Variants in AP3M2 observed in about 807,000 individuals in gnomAD.
AP3M2 encodes adaptor related protein complex 3 subunit mu 2.
Under a neutral mutation model 41.6 loss-of-function variants are expected in AP3M2, and 28 were observed. That is an observed-to-expected ratio of 0.67 (90% CI 0.50 to 0.92). The LOEUF is 0.92. AP3M2 is among the 40% of genes least tolerant of loss of function. AP3M2 has a pLI of 0.00. For missense variants in AP3M2, 427 were observed against 521.4 expected, an observed-to-expected ratio of 0.82 and a Z score of 1.76; for synonymous variants, 193 against 186.4, an observed-to-expected ratio of 1.04 and a Z score of -0.29.
chr8:42,162,387 T>C lies in AP3M2; in HGVS notation c.552T>C (p.Ile184=). 2 of 1,610,542 alleles carry C rather than the reference T, an allele frequency of 1.2e-6. No individual in the cohort carries two copies. The highest frequency in any genetic ancestry group is 1.7e-6 in the Non-Finnish European group (2 of 1,178,324). ...YTNNEAYFDV[I]EEIDAIIDKS... ...ACAATGAGGCCTATTTTGATGTGAT[T>C]GAAGAGATTGATGCAATTATTGATA... The change falls in exon 4 of 9, where the codon ATT becomes ATC. Residue 184 remains isoleucine (I), a synonymous_variant. Transcript: ENST00000396926.
intron 3 of AP3M2, 142 bp from the exon 4 acceptor site, chr8:42,162,137 GAA>G: frequency 1.4e-6 from 1 of 711,324 alleles, no homozygotes; most frequent in South Asian, 2.7e-5. Flanking sequence ...ACCCCATATA[GAA>G]GTTGGGAAAA....
rs1564119378 is a variant in AP3M2 at position 42,167,380 on chromosome 8, G to A, written c.1011+9G>A. The A allele has an allele frequency of 3.7e-6, 6 of 1,612,668 alleles. No individual in the cohort carries two copies. Among genetic ancestry groups the A allele is most frequent in the Non-Finnish European group, 5.1e-6 (6 of 1,178,838 alleles). ...TCGACCCAGTCACAAAGGTAGGGATGAGCAGGACATCTTGAATTGCTGATG... is the reference window on the plus strand; with the variant it reads ...TCGACCCAGTCACAAAGGTAGGGATAAGCAGGACATCTTGAATTGCTGATG... On this transcript the variant is annotated intron_variant, in intron 7 of 8. Transcript: ENST00000396926.
chr8:42,154,033 T>C (rs1031067075), intron 1 of AP3M2: 12 of 152,226 alleles, frequency 7.9e-5, no homozygotes, highest in African/African-American at 2.9e-4. Flanking sequence ...TCCAAAATGT[T>C]ATTACAACAT....
rs56858276 is a variant in AP3M2, at chr8:42,166,591, C to CA, written c.804-554dup. Among the ~76,000 whole-genome samples, 261 of 77,054 alleles carry CA rather than the reference C, an allele frequency of 3.4e-3. 4 individuals carry two copies. The highest frequency in any genetic ancestry group is 9.2e-3 in the East Asian group (23 of 2,496). The allele number at this position is 77,054 out of a possible 152,430, so 50.6% of individuals were successfully genotyped here. ...GCAACATGGCCAAACCTTGTCTCTA[C>CA]AAAAAAAAAAAAAAAAAAAGTAAAA... On this transcript the variant is annotated intron_variant, in intron 6 of 8. Transcript: ENST00000396926.
rs561190262 is a variant in AP3M2, at chr8:42,158,155, G to A, written c.445+43G>A. On this transcript the variant is annotated intron_variant, in intron 3 of 8. Coordinates refer to ENST00000396926, the MANE Select transcript of AP3M2 (RefSeq NM_006803.4). ...ACTGATAGATAGTGGCCATCCTACAGCCTGAGTGGCTTAGTCGAGTGTCGC... is the reference window on the plus strand; with the variant it reads ...ACTGATAGATAGTGGCCATCCTACAACCTGAGTGGCTTAGTCGAGTGTCGC... 1.7e-5 allele frequency: 27 copies of A among 1,586,226 alleles called. No individual in the cohort carries two copies. In the South Asian group the frequency reaches 2.7e-4, roughly 16 times the overall value.
At chr8:42,168,603 T>G (rs1009323029) in intron 8 of AP3M2, among the ~76,000 whole-genome samples, 3 of 152,248 alleles carry the variant, frequency 2.0e-5, no homozygotes, top group African/African-American at 7.2e-5. Flanking sequence ...TGTTAATTCC[T>G]TTATTTATAA....
At chr8:42,165,021 C>T (rs1804602061) in intron 4 of AP3M2, 50 bp from the exon 5 acceptor site, 1 of 1,526,758 alleles carries the variant, frequency 6.5e-7, no homozygotes, top group African/African-American at 1.4e-5. Context: ...TTGAGAAGGA[C>T]AGAGAAGTAT....
At chr8:42,153,958 G>T (rs1225185573) in intron 1 of AP3M2, 1 of 152,000 alleles carries the variant, frequency 6.6e-6, no homozygotes, top group Non-Finnish European at 1.5e-5. Context: ...ACATGTTCTG[G>T]TAACCACTTT....
At chr8:42,165,707 G>A in intron 6 of AP3M2, 147 bp downstream of exon 6, 1 of 853,558 alleles carries the variant, frequency 1.2e-6, no homozygotes, top group Non-Finnish European at 1.8e-6. Context: ...CCTCAGGTGA[G>A]TTGCTTAACC....
chr8:42,159,914 G>A (rs950194018), intron 3 of AP3M2, among the ~76,000 whole-genome samples: 47 of 152,284 alleles, frequency 3.1e-4, no homozygotes, highest in African/African-American at 9.6e-4. Flanking sequence ...ATCACGACAC[G>A]TTAAGTTTGT....
intron 7 of AP3M2, 93 bp downstream of exon 7, chr8:42,167,464 G>A (rs1286063362): frequency 1.3e-6 from 2 of 1,484,770 alleles, no homozygotes; most frequent in African/African-American, 1.4e-5. Flanking sequence ...TTTGGAAGGT[G>A]AGATGAGTCA....
At chr8:42,153,979 A>G (rs1293382581) in intron 1 of AP3M2, 1 of 152,186 alleles carries the variant, frequency 6.6e-6, no homozygotes, top group African/African-American at 2.4e-5. Flanking sequence ...AAAATAATAA[A>G]ACAGGTTAAA....
At chr8:42,156,017 C>T (rs548951692) in intron 2 of AP3M2, 7 of 449,710 alleles carry the variant, frequency 1.6e-5, no homozygotes, top group African/African-American at 1.0e-4. Context: ...TGCAACATAC[C>T]GGCCCCTTTG....
At chr8:42,163,878 G>A (rs940417125) in intron 4 of AP3M2, among the ~76,000 whole-genome samples, 10 of 152,068 alleles carry the variant, frequency 6.6e-5, no homozygotes, top group Non-Finnish European at 1.3e-4. Flanking sequence ...TTACCTCAAC[G>A]AAAAAGTAAA....
intron 3 of AP3M2, among the ~76,000 whole-genome samples, chr8:42,160,071 C>A (rs1198226819): frequency 6.6e-6 from 1 of 152,138 alleles, no homozygotes. Flanking sequence ...AATCCAAAAT[C>A]CAGAATGCTC....
chr8:42,156,250 G>T lies in AP3M2; in HGVS notation c.273+1290G>T, dbSNP rs76064871. Among the ~76,000 whole-genome samples the T allele has an allele frequency of 1.3e-3, 194 of 152,342 alleles. No homozygotes were observed. The East Asian group carries it at 0.033, about 26-fold the overall frequency. On this transcript the variant is annotated intron_variant, in intron 2 of 8. Transcript: ENST00000396926. ...GAAGTGAGAAGAGTTGTTTGATCTA[G>T]TTGAAACCATGGGGGAATTTGGGAA...
At chr8:42,154,987 A>G in intron 2 of AP3M2, 27 bp downstream of exon 2, 1 of 1,580,302 alleles carries the variant, frequency 6.3e-7, no homozygotes, top group Non-Finnish European at 8.7e-7. Context: ...AAGTTCATAT[A>G]TGTAAACCGT....
At chr8:42,159,440 G>A (rs894038068) in intron 3 of AP3M2, among the ~76,000 whole-genome samples, 1 of 152,072 alleles carries the variant, frequency 6.6e-6, no homozygotes, top group African/African-American at 2.4e-5. Context: ...TTGATATCTT[G>A]TATTTACAGT....
chr8:42,167,127 T>C (rs1276856422), intron 6 of AP3M2, 37 bp from the exon 7 acceptor site: 2 of 1,589,322 alleles, frequency 1.3e-6, no homozygotes, highest in South Asian at 1.1e-5. Flanking sequence ...ATTTTCCCAG[T>C]GCACGAATGA....
Sources: gnomAD v4.1 joint callset for allele counts (sites outside exome capture counted in the v4.1 genomes callset) on GRCh38, gnomAD v4.1.1 for gene constraint, MANE v1.5 for transcripts, NCBI Gene and HGNC (gene_info 2026-07-23, HGNC 2026-07-21) for gene names.